Variants in LRRTM3 observed in about 807,000 individuals in gnomAD.
LRRTM3 encodes the protein leucine-rich repeat transmembrane neuronal protein 3.
In LRRTM3, 24 loss-of-function variants were observed where a neutral mutation model predicts 44.7. The observed-to-expected ratio is 0.54, with a 90% CI of 0.39 to 0.76. LRRTM3 has a LOEUF of 0.76. Among genes scored for constraint, LRRTM3 ranks in the 30% least tolerant of loss-of-function variants. The pLI, the probability that LRRTM3 is intolerant of heterozygous loss-of-function variation, is 0.00. For missense variants in LRRTM3, 587 were observed against 702.2 expected (o/e 0.84, Z 1.85); for synonymous variants, 277 against 278.7 (o/e 0.99, Z 0.06).
chr10:67,032,617 CAGTT>C (rs2133114749), intron 2 of LRRTM3, among the ~76,000 whole-genome samples: 1 of 152,256 alleles, frequency 6.6e-6, no homozygotes, highest in Admixed American at 6.5e-5. Context: ...GTAATTTCTA[CAGTT>C]ACAATTTTTC....
intron 2 of LRRTM3, among the ~76,000 whole-genome samples, chr10:66,976,944 T>C (rs557712750): frequency 6.6e-6 from 1 of 152,312 alleles, no homozygotes; most frequent in African/African-American, 2.4e-5. Context: ...TGAACCAAAA[T>C]TTAAATTTCT....
intron 2 of LRRTM3, among the ~76,000 whole-genome samples, chr10:66,984,279 T>C (rs1273544271): frequency 2.6e-5 from 4 of 152,216 alleles, no homozygotes; most frequent in African/African-American, 9.6e-5. Flanking sequence ...ATCCAGAAGA[T>C]AGTTGATAAA....
chr10:66,936,342 G>C (rs184696730), intron 2 of LRRTM3, among the ~76,000 whole-genome samples: 3 of 152,004 alleles, frequency 2.0e-5, no homozygotes, highest in Non-Finnish European at 4.4e-5. Flanking sequence ...CCAAATGATG[G>C]AGATCCTGTA....
In LRRTM3 at chr10:66,983,294, A is replaced by T. The variant is rs1273283918; in HGVS notation, c.1536+54842A>T. The stretch of plus-strand genomic sequence containing the variant: ...TTCCTCATCTCAGCATCAGCAAAGA[A>T]TCAGGAGCTGGCATAAGACCCTGGT... On this transcript the variant is annotated intron_variant, in intron 2 of 2. Transcript: ENST00000361320. Among the ~76,000 whole-genome samples, 4 of 152,228 alleles carry T rather than the reference A, an allele frequency of 2.6e-5. No individual in the cohort carries two copies. The East Asian group carries it at 5.8e-4, about 22-fold the overall frequency.
intron 2 of LRRTM3, among the ~76,000 whole-genome samples, chr10:66,937,273 A>C (rs1847758500): frequency 6.6e-6 from 1 of 152,144 alleles, no homozygotes; most frequent in South Asian, 2.1e-4. Flanking sequence ...TGTGTAAAAC[A>C]ATGTAGTTAT....
At chr10:66,969,431 T>C (rs1849603772) in intron 2 of LRRTM3, among the ~76,000 whole-genome samples, 2 of 152,184 alleles carry the variant, frequency 1.3e-5, no homozygotes. Context: ...ATTTGAATAA[T>C]GTATAATATC....
intron 2 of LRRTM3, among the ~76,000 whole-genome samples, chr10:67,039,314 A>C (rs1318825469): frequency 6.6e-6 from 1 of 152,170 alleles, no homozygotes; most frequent in Admixed American, 6.5e-5. Flanking sequence ...TTTCCAGTTA[A>C]CATAAATGCT....
At chr10:67,056,489 G>A (rs190952177) in intron 2 of LRRTM3, among the ~76,000 whole-genome samples, 189 of 152,212 alleles carry the variant, frequency 1.2e-3, no homozygotes, top group African/African-American at 4.4e-3. Flanking sequence ...CTTCAGGCTT[G>A]TGAAACCAAG....
intron 2 of LRRTM3, among the ~76,000 whole-genome samples, chr10:66,976,849 T>TTTGTTTTTGCTC (rs1235394275): frequency 2.4e-4 from 37 of 152,290 alleles, no homozygotes; most frequent in Non-Finnish European, 4.4e-5. Context: ...TACCCACGTT[T>TTTGTTTTTGCTC]TTGTTTTTGC....
chr10:66,995,169 C>T (rs1035837113), intron 2 of LRRTM3, among the ~76,000 whole-genome samples: 5 of 152,140 alleles, frequency 3.3e-5, no homozygotes, highest in African/African-American at 1.2e-4. Flanking sequence ...TCAAACATAA[C>T]CCATGATTTC....
intron 2 of LRRTM3, 118 bp downstream of exon 2, chr10:66,928,570 A>G: frequency 2.2e-6 from 2 of 915,236 alleles, no homozygotes; most frequent in South Asian, 3.6e-5. Flanking sequence ...TCTCCCTCTC[A>G]CTTTGCTGGC....
Position 66,975,068 on chromosome 10 carries a change from C to T in LRRTM3, c.1536+46616C>T, listed in dbSNP as rs79870076. On this transcript the variant is annotated intron_variant, in intron 2 of 2. Transcript: ENST00000361320. Reference sequence around the variant, plus strand: ...TGGTATTTTAGACTCCATTAAGACTCGCCATTTTGTAGCTGACCAAAAGGG... The same window carrying T: ...TGGTATTTTAGACTCCATTAAGACTTGCCATTTTGTAGCTGACCAAAAGGG... Among the ~76,000 whole-genome samples the T allele has an allele frequency of 2.6e-4, 39 of 152,136 alleles. 1 individual carries two copies. In the East Asian group the frequency reaches 6.4e-3, roughly 25 times the overall value.
Position 67,053,083 on chromosome 10 carries a change from C to T in LRRTM3, c.1537-44504C>T, listed in dbSNP as rs932623276. On this transcript the variant is annotated intron_variant, in intron 2 of 2. Transcript: ENST00000361320. Reference sequence around the variant, plus strand: ...GCTAGAGCTATACCATCCCCTAAAACATGAAGAACTTTGTAATACTGCTTT... The same window carrying T: ...GCTAGAGCTATACCATCCCCTAAAATATGAAGAACTTTGTAATACTGCTTT... Among the ~76,000 whole-genome samples the T allele has an allele frequency of 4.4e-4, 67 of 152,144 alleles. 4 individuals are homozygous for T. Among genetic ancestry groups the T allele is most frequent in the Non-Finnish European group, 5.9e-5 (4 of 68,004 alleles).
intron 2 of LRRTM3, among the ~76,000 whole-genome samples, chr10:67,016,699 T>C (rs1359766975): frequency 6.6e-6 from 1 of 152,186 alleles, no homozygotes; most frequent in Admixed American, 6.5e-5. Context: ...CATCTCTTAG[T>C]GGGTTTGATT....
rs144426529 is a variant in LRRTM3, at chr10:67,097,632, C to A, written c.1582C>A (p.Pro528Thr). 8 of 1,612,488 alleles carry A rather than the reference C, an allele frequency of 5.0e-6. No homozygotes were observed. ...GTCAACCTTTCTGGCATACGACCAG[C>A]CCACAATAAGTTACTGTGGGGTGCA... ...NVSTFLAYDQ[P>T]TISYCGVHHE... is the part of the protein sequence containing the mutation. Residue 528 changes from proline (P) to threonine (T), a missense_variant, in exon 3 of 3, where the codon CCC becomes ACC. Coordinates refer to ENST00000361320, the MANE Select transcript of LRRTM3 (RefSeq NM_178011.5).
At chr10:67,086,461 C>T (rs1260857559) in intron 2 of LRRTM3, among the ~76,000 whole-genome samples, 2 of 151,938 alleles carry the variant, frequency 1.3e-5, no homozygotes, top group Admixed American at 6.6e-5. Flanking sequence ...CATTTGAAAG[C>T]CTGTTTGGAT....
intron 2 of LRRTM3, among the ~76,000 whole-genome samples, chr10:66,984,316 C>G (rs1366700092): frequency 1.3e-5 from 2 of 151,958 alleles, no homozygotes. Flanking sequence ...TAAGAGAATA[C>G]CAAACATTAT....
At chr10:67,058,031 T>C (rs1288955757) in intron 2 of LRRTM3, among the ~76,000 whole-genome samples, 1 of 152,178 alleles carries the variant, frequency 6.6e-6, no homozygotes, top group Non-Finnish European at 1.5e-5. Flanking sequence ...TAGACACACC[T>C]AGAAAAGTAC....
intron 2 of LRRTM3, among the ~76,000 whole-genome samples, chr10:66,939,268 C>G (rs1022859075): frequency 2.6e-5 from 4 of 152,184 alleles, no homozygotes; most frequent in Admixed American, 2.6e-4. Flanking sequence ...TTCCTCCCTT[C>G]TGTTCATTCC....
Sources: gnomAD v4.1 joint callset for allele counts (sites outside exome capture counted in the v4.1 genomes callset) on GRCh38, gnomAD v4.1.1 for gene constraint, MANE v1.5 for transcripts, NCBI Gene and HGNC (gene_info 2026-07-23, HGNC 2026-07-21) for gene names.